NXPE1: variants seen among roughly 807,000 people sequenced by gnomAD.
NXPE1 encodes the protein neurexophilin and PC-esterase domain family member 1.
A neutral mutation model predicts 33.3 loss-of-function variants in NXPE1; 31 were observed. That is an observed-to-expected ratio of 0.93 (90% CI 0.70 to 1.26). The LOEUF is 1.26. NXPE1 is among the 50% of genes most tolerant of loss of function. The pLI is 0.00. For synonymous variants in NXPE1, 229 were observed against 231.4 expected (o/e 0.99, Z 0.09); for missense variants, 661 against 655.6 (o/e 1.01, Z -0.09).
At chr11:114,519,144 T>C (rs559359769), downstream of NXPE1, among the ~76,000 whole-genome samples, 1 of 152,324 alleles carries the variant, frequency 6.6e-6, no homozygotes, top group East Asian at 1.9e-4. Flanking sequence ...GAGCCTTTTA[T>C]ATGACAAATG....
intron 7 of NXPE1, 36 bp downstream of exon 7, chr11:114,527,804 C>G (rs1263931648): frequency 6.7e-7 from 1 of 1,498,618 alleles, no homozygotes; most frequent in Non-Finnish European, 9.1e-7. Flanking sequence ...AAAGTTTCCT[C>G]TGAGCATCAC....
chr11:114,558,100 T>C (rs1948700356), intron 1 of NXPE1, among the ~76,000 whole-genome samples: 1 of 152,072 alleles, frequency 6.6e-6, no homozygotes, highest in Admixed American at 6.6e-5. Context: ...GCTTTTCTAG[T>C]TGCTCTCAAA....
intron 1 of NXPE1, among the ~76,000 whole-genome samples, chr11:114,557,661 AT>A: frequency 9.8e-6 from 1 of 102,066 alleles, no homozygotes; most frequent in Non-Finnish European, 2.0e-5. Flanking sequence ...ATATATATAT[AT>A]ATATATATAT....
exon 6 of NXPE1, chr11:114,530,708 G>A (rs1190448816): frequency 6.2e-7 from 1 of 1,614,218 alleles, no homozygotes. Flanking sequence ...TGGCTGTGCT[G>A]TGTGTGGCAC....
chr11:114,558,299 G>A lies in NXPE1; in HGVS notation c.-211+1499C>T, dbSNP rs1948705634. ...AACAAATATCTGTGGCTGATGTGTA[G>A]AAATGCAAGTGCTTTATTTTAATAG... On this transcript the variant is annotated intron_variant, in intron 1 of 8. Transcript: ENST00000534921. Among the ~76,000 whole-genome samples the A allele has an allele frequency of 3.3e-5, 5 of 151,992 alleles. No individual in the cohort carries two copies. In the South Asian group the frequency reaches 1.0e-3, roughly 32 times the overall value.
chr11:114,558,256 T>G (rs1948705083), intron 1 of NXPE1, among the ~76,000 whole-genome samples: 1 of 152,152 alleles, frequency 6.6e-6, no homozygotes, highest in African/African-American at 2.4e-5. Flanking sequence ...TATGTTTTTC[T>G]TTTTATTTCA....
intron 5 of NXPE1, among the ~76,000 whole-genome samples, chr11:114,543,821 C>T (rs1467397288): frequency 6.6e-6 from 1 of 152,120 alleles, no homozygotes; most frequent in African/African-American, 2.4e-5. Context: ...ACATGACTGT[C>T]TACGTAGAAT....
At chr11:114,533,939 G>A (rs1947689489) in intron 5 of NXPE1, among the ~76,000 whole-genome samples, 1 of 152,166 alleles carries the variant, frequency 6.6e-6, no homozygotes, top group African/African-American at 2.4e-5. Context: ...AGAGAGCAGT[G>A]GTTCTCCCAG....
chr11:114,545,460 A>T (rs1948244320), intron 5 of NXPE1, among the ~76,000 whole-genome samples: 2 of 152,236 alleles, frequency 1.3e-5, no homozygotes, highest in Admixed American at 1.3e-4. Flanking sequence ...AAAGAAGCCC[A>T]TCTGAAAAGG....
chr11:114,541,505 C>T (rs191605866), intron 5 of NXPE1, among the ~76,000 whole-genome samples: 158 of 152,282 alleles, frequency 1.0e-3, no homozygotes, highest in African/African-American at 3.5e-3. Flanking sequence ...CAAATATGAG[C>T]GACCACGACA....
rs183660997 is a variant in NXPE1, at chr11:114,556,126, G to C, written c.-210-3246C>G. 3.0e-3 allele frequency among the ~76,000 whole-genome samples: 452 copies of C among 152,278 alleles called. 3 individuals are homozygous for C. Among genetic ancestry groups the C allele is most frequent in the African/African-American group, 0.011 (438 of 41,562 alleles). ...TGCTCTTAATCTGTAGGTAAATTTG[G>C]GGAGAATTGCTCTAGTAACAATATT... is the stretch of plus-strand genomic sequence containing the variant. On this transcript the variant is annotated intron_variant, in intron 1 of 8. Transcript: ENST00000534921.
At chr11:114,538,059 T>C (rs1353122107) in intron 5 of NXPE1, among the ~76,000 whole-genome samples, 3 of 152,180 alleles carry the variant, frequency 2.0e-5, no homozygotes, top group Non-Finnish European at 2.9e-5. Flanking sequence ...CAAAACAGCA[T>C]GGTACTGGTA....
intron 6 of NXPE1, 29 bp from the exon 7 acceptor site, chr11:114,527,930 AG>A: frequency 6.4e-7 from 1 of 1,555,676 alleles, no homozygotes; most frequent in Non-Finnish European, 8.8e-7. Context: ...ACAATAAATT[AG>A]CCTGCTCTCT....
At chr11:114,522,480 C>T in exon 9 of NXPE1, 5 of 1,601,070 alleles carry the variant, frequency 3.1e-6, no homozygotes, top group Non-Finnish European at 4.3e-6. Flanking sequence ...ATTCCAGTTT[C>T]ATGAAGATCA....
chr11:114,546,332 C>A (rs746101439), intron 5 of NXPE1, among the ~76,000 whole-genome samples: 2 of 151,954 alleles, frequency 1.3e-5, no homozygotes, highest in Non-Finnish European at 2.9e-5. Flanking sequence ...AGTGTGTGAA[C>A]CATGTAGTGA....
rs537050654 is a variant in NXPE1, at chr11:114,546,847, C to A, written c.99+4256G>T. Among the ~76,000 whole-genome samples the A allele has an allele frequency of 2.6e-5, 4 of 152,106 alleles. No homozygotes were observed. In the South Asian group the frequency reaches 8.3e-4, roughly 32 times the overall value. The stretch of plus-strand genomic sequence containing the variant: ...GCAAACAAACAAAGGAACACAGGAA[C>A]CAATGGAAAGAGCTCTCAATGGCCA... On this transcript the variant is annotated intron_variant, in intron 5 of 8. Transcript: ENST00000534921.
At chr11:114,522,782 T>TTC (rs2134896068) in intron 8 of NXPE1, 97 bp downstream of exon 8, 1 of 878,820 alleles carries the variant, frequency 1.1e-6, no homozygotes, top group South Asian at 1.7e-5. Flanking sequence ...CCAAATGAAG[T>TTC]AAAAAACAAA....
At chr11:114,525,472 A>G (rs1388556858) in intron 7 of NXPE1, among the ~76,000 whole-genome samples, 1 of 152,156 alleles carries the variant, frequency 6.6e-6, no homozygotes, top group Non-Finnish European at 1.5e-5. Context: ...CATTATCTGC[A>G]GAGCCGGGTC....
At chr11:114,526,282 T>C (rs200937910) in intron 7 of NXPE1, among the ~76,000 whole-genome samples, 2 of 152,296 alleles carry the variant, frequency 1.3e-5, no homozygotes, top group East Asian at 3.9e-4. Flanking sequence ...TATAAGATGA[T>C]ATATTTTTGT....
Sources: gnomAD v4.1 joint callset for allele counts (sites outside exome capture counted in the v4.1 genomes callset) on GRCh38, gnomAD v4.1.1 for gene constraint, MANE v1.5 for transcripts, NCBI Gene and HGNC (gene_info 2026-07-23, HGNC 2026-07-21) for gene names.